PRKCE: variants seen among roughly 807,000 people sequenced by gnomAD.
The protein encoded by PRKCE is protein kinase C epsilon type.
Under a neutral mutation model 85.4 loss-of-function variants are expected in PRKCE, and 16 were observed. The observed-to-expected ratio is 0.19, with a 90% CI of 0.13 to 0.28. The LOEUF (loss-of-function observed/expected upper bound fraction) is 0.28. Ranked by LOEUF, PRKCE falls within the 10% of genes least tolerant of loss-of-function variation. PRKCE has a pLI of 1.00. For missense variants in PRKCE, 573 were observed against 975.2 expected (o/e 0.59, Z 5.49); for synonymous variants, 388 against 371.5 (o/e 1.04, Z -0.51).
At chr2:45,995,267 G>A (rs77908772) in intron 6 of PRKCE, among the ~76,000 whole-genome samples, 1 of 151,924 alleles carries the variant, frequency 6.6e-6, no homozygotes, top group Admixed American at 6.6e-5. Flanking sequence ...TGTGTGGTTT[G>A]GTTTTGTTTG....
intron 1 of PRKCE, among the ~76,000 whole-genome samples, chr2:45,706,687 G>A (rs1461268003): frequency 6.6e-6 from 1 of 152,198 alleles, no homozygotes; most frequent in Non-Finnish European, 1.5e-5. Flanking sequence ...CCGCCTGATA[G>A]TTTGGCCCCC....
chr2:45,794,133 AGTC>A (rs1687234921), intron 1 of PRKCE, among the ~76,000 whole-genome samples: 1 of 152,156 alleles, frequency 6.6e-6, no homozygotes, highest in East Asian at 1.9e-4. Context: ...ATTGTTGACC[AGTC>A]AATGCAGAAC....
chr2:46,087,536 G>C (rs1366817375), intron 11 of PRKCE, among the ~76,000 whole-genome samples: 1 of 152,138 alleles, frequency 6.6e-6, no homozygotes, highest in Non-Finnish European at 1.5e-5. Flanking sequence ...AGCTTCCTTA[G>C]TCAGTGATTT....
chr2:45,655,466 G>A (rs1036272736), intron 1 of PRKCE, among the ~76,000 whole-genome samples: 1 of 152,000 alleles, frequency 6.6e-6, no homozygotes, highest in Non-Finnish European at 1.5e-5. Flanking sequence ...TGGACACCCT[G>A]ATGTAGACAC....
intron 2 of PRKCE, among the ~76,000 whole-genome samples, chr2:45,862,840 G>A (rs931386779): frequency 5.3e-5 from 8 of 152,336 alleles, no homozygotes; most frequent in Admixed American, 3.3e-4. Flanking sequence ...AATCACCTGC[G>A]CAGGGTGCCC....
At chr2:45,668,465 C>G (rs957923829) in intron 1 of PRKCE, among the ~76,000 whole-genome samples, 4 of 151,946 alleles carry the variant, frequency 2.6e-5, no homozygotes, top group African/African-American at 7.3e-5. Flanking sequence ...TCTTTATGTC[C>G]GACAGTTACT....
At chr2:45,725,922 G>A (rs1681033977) in intron 1 of PRKCE, among the ~76,000 whole-genome samples, 1 of 152,114 alleles carries the variant, frequency 6.6e-6, no homozygotes, top group African/African-American at 2.4e-5. Flanking sequence ...TCAAAAATTT[G>A]GAGGAAGTTA....
At chr2:45,923,651 G>A (rs1484094205) in intron 2 of PRKCE, among the ~76,000 whole-genome samples, 1 of 152,218 alleles carries the variant, frequency 6.6e-6, no homozygotes, top group Non-Finnish European at 1.5e-5. Flanking sequence ...GTGAAGCAAT[G>A]TGTGCAGGTT....
At chr2:45,712,915 A>G (rs1421944547) in intron 1 of PRKCE, among the ~76,000 whole-genome samples, 1 of 152,208 alleles carries the variant, frequency 6.6e-6, no homozygotes, top group African/African-American at 2.4e-5. Flanking sequence ...TTTGAGGCTG[A>G]AAGTATACCT....
chr2:45,727,686 G>C (rs749655489), intron 1 of PRKCE, among the ~76,000 whole-genome samples: 1 of 152,044 alleles, frequency 6.6e-6, no homozygotes, highest in Non-Finnish European at 1.5e-5. Context: ...ACGGAGTCTC[G>C]CTCTGTCACC....
chr2:45,765,928 G>A (rs927695568), intron 1 of PRKCE, among the ~76,000 whole-genome samples: 1 of 152,216 alleles, frequency 6.6e-6, no homozygotes, highest in Non-Finnish European at 1.5e-5. Context: ...ATTATATTGG[G>A]TAACTGTGGG....
intron 1 of PRKCE, among the ~76,000 whole-genome samples, chr2:45,792,562 C>T (rs1687115085): frequency 1.3e-5 from 2 of 152,082 alleles, no homozygotes; most frequent in Admixed American, 1.3e-4. Flanking sequence ...GAGATGCTGG[C>T]CGAGGGTGGC....
chr2:46,136,081 C>T (rs1438584065), intron 11 of PRKCE, among the ~76,000 whole-genome samples: 1 of 152,080 alleles, frequency 6.6e-6, no homozygotes, highest in East Asian at 1.9e-4. Context: ...TTCATAATCT[C>T]CCTCGAGGGC....
At chr2:46,011,029 G>C (rs1319158088) in intron 10 of PRKCE, 3 of 1,086,950 alleles carry the variant, frequency 2.8e-6, no homozygotes, top group Non-Finnish European at 3.6e-6. Flanking sequence ...AGGTGTCTGG[G>C]AACCAGAAGG....
intron 8 of PRKCE, among the ~76,000 whole-genome samples, chr2:46,006,530 C>G (rs867499624): frequency 6.6e-6 from 1 of 152,234 alleles, no homozygotes; most frequent in South Asian, 2.1e-4. Context: ...TTCTGTCACT[C>G]ATGCCTAATT....
chr2:45,850,680 G>A (rs1327113184), intron 2 of PRKCE, among the ~76,000 whole-genome samples: 1 of 152,146 alleles, frequency 6.6e-6, no homozygotes, highest in Non-Finnish European at 1.5e-5. Flanking sequence ...ACAAGCAAGT[G>A]CATTCACCAT....
At chr2:45,769,817 T>C (rs371633285) in intron 1 of PRKCE, among the ~76,000 whole-genome samples, 84 of 152,366 alleles carry the variant, frequency 5.5e-4, no homozygotes, top group African/African-American at 1.8e-3. Context: ...AGTGCATCCT[T>C]GTCTCTAAAT....
chr2:45,748,926 G>A (rs1266950417), intron 1 of PRKCE, among the ~76,000 whole-genome samples: 1 of 148,336 alleles, frequency 6.7e-6, no homozygotes, highest in Admixed American at 6.7e-5. Flanking sequence ...GTCTTGCTGT[G>A]TAGCCCAGGC....
At chr2:45,844,624 C>A (rs1304713733) in intron 2 of PRKCE, among the ~76,000 whole-genome samples, 1 of 152,254 alleles carries the variant, frequency 6.6e-6, no homozygotes, top group African/African-American at 2.4e-5. Context: ...ATTCTAGACA[C>A]TGGCGAAACA....
Sources: allele counts gnomAD v4.1 joint callset (sites outside exome capture counted in the v4.1 genomes callset), GRCh38; gene constraint gnomAD v4.1.1; transcripts MANE v1.5; gene names NCBI Gene and HGNC (gene_info 2026-07-23, HGNC 2026-07-21).